CBL: variants seen among roughly 807,000 people sequenced by gnomAD.
CBL encodes E3 ubiquitin-protein ligase CBL.
A neutral mutation model predicts 96.9 loss-of-function variants in CBL; 45 were observed. The observed-to-expected ratio is 0.46, with a 90% CI of 0.37 to 0.60. The LOEUF is 0.60. Ranked by LOEUF, CBL falls within the 20% of genes least tolerant of loss-of-function variation. CBL has a pLI of 0.00. For missense variants in CBL, 1,024 were observed against 1,143.5 expected, an observed-to-expected ratio of 0.90 and a Z score of 1.51; for synonymous variants, 420 against 426.8, an observed-to-expected ratio of 0.98 and a Z score of 0.20.
intron 4 of CBL, 57 bp downstream of exon 4, chr11:119,274,081 CTTTTT>C: frequency 2.2e-6 from 2 of 916,442 alleles, no homozygotes; most frequent in Non-Finnish European, 3.3e-6. Flanking sequence ...GAAGAGAAAG[CTTTTT>C]TTTTTTTTTT....
At chr11:119,263,928 T>A (rs531755216) in intron 2 of CBL, among the ~76,000 whole-genome samples, 2 of 152,330 alleles carry the variant, frequency 1.3e-5, no homozygotes, top group East Asian at 3.9e-4. Context: ...ATAGTACCAG[T>A]AAATGAAATA....
intron 2 of CBL, among the ~76,000 whole-genome samples, chr11:119,253,643 G>A (rs1325087557): frequency 2.7e-5 from 4 of 147,682 alleles, no homozygotes; most frequent in Non-Finnish European, 5.9e-5. Context: ...TCCAGCCTGG[G>A]CAACAGGAGT....
chr11:119,299,963 T>C lies in CBL; in HGVS notation c.*182T>C, dbSNP rs1206096389. ...TGAAATGAAAATGGAGCAGCTAGTA[T>C]GTTTTATTATTTTATGGGTCTTGAG... is the stretch of plus-strand genomic sequence containing the variant. On this transcript the variant is annotated 3_prime_UTR_variant, in exon 16 of 16. Transcript: ENST00000264033. 5.8e-6 allele frequency: 4 copies of C among 689,834 alleles called. No individual in the cohort carries two copies. Among genetic ancestry groups the C allele is most frequent in the Non-Finnish European group, 1.0e-5 (4 of 391,434 alleles). The allele number at this position is 689,834 out of a possible 1,614,324, so 42.7% of individuals were successfully genotyped here. A position where few individuals can be genotyped will look rare whatever the true frequency, so the allele number is the denominator to read the frequency against.
intron 1 of CBL, among the ~76,000 whole-genome samples, chr11:119,224,366 C>T (rs2135259661): frequency 6.6e-6 from 1 of 152,182 alleles, no homozygotes; most frequent in South Asian, 2.1e-4. Context: ...CACGTCCCAT[C>T]CACCTCAGTC....
intron 5 of CBL, among the ~76,000 whole-genome samples, chr11:119,275,562 G>A (rs185963504): frequency 7.0e-4 from 106 of 152,032 alleles, no homozygotes; most frequent in African/African-American, 2.4e-3. Flanking sequence ...CTGACTTGAA[G>A]CTCAGAAGTA....
At chr11:119,269,143 A>G (rs568743429) in intron 2 of CBL, among the ~76,000 whole-genome samples, 1 of 150,924 alleles carries the variant, frequency 6.6e-6, no homozygotes, top group East Asian at 1.9e-4. Context: ...GATCTTGTCT[A>G]TTTTCTCTTT....
At chr11:119,250,428 ATC>A (rs1949662315) in intron 2 of CBL, among the ~76,000 whole-genome samples, 1 of 152,008 alleles carries the variant, frequency 6.6e-6, no homozygotes, top group Non-Finnish European at 1.5e-5. Flanking sequence ...TTCTTTATGC[ATC>A]TCTCTCCTCT....
At chr11:119,226,317 A>G (rs1026966134) in intron 1 of CBL, among the ~76,000 whole-genome samples, 2 of 152,182 alleles carry the variant, frequency 1.3e-5, no homozygotes, top group Non-Finnish European at 2.9e-5. Context: ...TAAGCCACTC[A>G]GATGGTGTGG....
intron 1 of CBL, among the ~76,000 whole-genome samples, chr11:119,213,978 C>G (rs1043449958): frequency 6.7e-6 from 1 of 150,112 alleles, no homozygotes; most frequent in African/African-American, 2.5e-5. Flanking sequence ...GAGTCTCGCT[C>G]TTTTGCCCCA....
chr11:119,249,382 C>A (rs1051093720), intron 2 of CBL, among the ~76,000 whole-genome samples: 6 of 151,860 alleles, frequency 4.0e-5, no homozygotes, highest in African/African-American at 1.5e-4. Flanking sequence ...ATGGAAAAAC[C>A]CCATCTCTAC....
chr11:119,261,600 A>G (rs1326421725), intron 2 of CBL, among the ~76,000 whole-genome samples: 1 of 152,210 alleles, frequency 6.6e-6, no homozygotes, highest in Non-Finnish European at 1.5e-5. Context: ...GCATTATCTT[A>G]CTGATATGTT....
chr11:119,306,061 T>G lies in CBL; in HGVS notation c.*6280T>G, dbSNP rs1251251400. On this transcript the variant is annotated 3_prime_UTR_variant, in exon 16 of 16. Transcript: ENST00000264033. ...CCCAGGAAATCTGGGTTGGTTCCAG[T>G]GGGAAATACCAGTATTTCTTGGTTC... 5.2e-6 allele frequency: 2 copies of G among 381,414 alleles called. No homozygotes were observed. Among genetic ancestry groups the G allele is most frequent in the Non-Finnish European group, 9.3e-6 (2 of 215,400 alleles). The allele number at this position is 381,414 out of a possible 1,614,324, so 23.6% of individuals were successfully genotyped here.
intron 2 of CBL, among the ~76,000 whole-genome samples, chr11:119,236,613 A>G (rs1320407102): frequency 1.3e-5 from 2 of 148,474 alleles, no homozygotes; most frequent in Non-Finnish European, 3.0e-5. Flanking sequence ...ATATATATAT[A>G]TATATATATA....
chr11:119,275,138 C>T (rs1177454113), intron 5 of CBL, among the ~76,000 whole-genome samples, 185 bp downstream of exon 5: 1 of 152,164 alleles, frequency 6.6e-6, no homozygotes, highest in African/African-American at 2.4e-5. Flanking sequence ...TGTTTTCAGG[C>T]CACTTAAGAA....
intron 13 of CBL, among the ~76,000 whole-genome samples, 159 bp from the exon 14 acceptor site, chr11:119,297,225 A>T (rs1950070292): frequency 6.6e-6 from 1 of 152,262 alleles, no homozygotes; most frequent in African/African-American, 2.4e-5. Context: ...TTTCTCAGCA[A>T]CATGAGAACC....
intron 2 of CBL, among the ~76,000 whole-genome samples, chr11:119,259,967 C>G (rs1454255472): frequency 6.6e-5 from 10 of 152,156 alleles, no homozygotes; most frequent in Admixed American, 6.5e-4. Context: ...TTATCTTGTA[C>G]AAGGGCACTA....
At chr11:119,264,383 TTTCTTTTCTCTTCTC>T (rs1294060792) in intron 2 of CBL, among the ~76,000 whole-genome samples, 5 of 94,306 alleles carry the variant, frequency 5.3e-5, no homozygotes, top group East Asian at 2.6e-4. Context: ...TGATCTTTCT[TTTCTTTTCTCTTCTC>T]TTCTCTTCTC....
Position 119,306,593 on chromosome 11 carries a change from G to A in CBL, c.*6812G>A, listed in dbSNP as rs1216985068. The A allele has an allele frequency of 5.2e-6, 2 of 382,238 alleles. No individual in the cohort carries two copies. The highest frequency in any genetic ancestry group is 9.3e-6 in the Non-Finnish European group (2 of 215,756). The allele number at this position is 382,238 out of a possible 1,614,324, so 23.7% of individuals were successfully genotyped here. A position where few individuals can be genotyped will look rare whatever the true frequency, so the allele number is the denominator to read the frequency against. On this transcript the variant is annotated 3_prime_UTR_variant, in exon 16 of 16. Coordinates refer to ENST00000264033, the MANE Select transcript of CBL (RefSeq NM_005188.4). ...CTCTACCTACCTCTGACCTTCTTGT[G>A]GGTGAGGGTGGCCATGCTTATGGCC...
intron 2 of CBL, among the ~76,000 whole-genome samples, chr11:119,247,390 A>G (rs1325588705): frequency 6.6e-6 from 1 of 152,376 alleles, no homozygotes; most frequent in Non-Finnish European, 1.5e-5. Context: ...AAGAAAAGAT[A>G]GGAAAAAGAG....
Sources: allele counts gnomAD v4.1 joint callset (sites outside exome capture counted in the v4.1 genomes callset), GRCh38; gene constraint gnomAD v4.1.1; transcripts MANE v1.5; gene names NCBI Gene and HGNC (gene_info 2026-07-23, HGNC 2026-07-21).